C19orf47: variants seen among roughly 807,000 people sequenced by gnomAD.
The protein encoded by C19orf47 is chromosome 19 open reading frame 47.
In C19orf47, 18 loss-of-function variants were observed where a neutral mutation model predicts 32.3. That is an observed-to-expected ratio of 0.56 (90% CI 0.39 to 0.83). The LOEUF (loss-of-function observed/expected upper bound fraction) is 0.83. Ranked by LOEUF, C19orf47 falls within the 40% of genes least tolerant of loss-of-function variation. C19orf47 has a pLI of 0.00. For missense variants in C19orf47, 484 were observed against 531.6 expected, an observed-to-expected ratio of 0.91 and a Z score of 0.88; for synonymous variants, 202 against 211.1, an observed-to-expected ratio of 0.96 and a Z score of 0.37.
At chr19:40,308,906 C>A in the C19orf47 span, among the ~76,000 whole-genome samples, 1 of 151,998 alleles carries the variant, frequency 6.6e-6, no homozygotes, top group East Asian at 2.0e-4. Flanking sequence ...CCTGTCTCTA[C>A]AAAAAATTAA....
chr19:40,293,624 C>T, the C19orf47 span, among the ~76,000 whole-genome samples: 1 of 151,686 alleles, frequency 6.6e-6, no homozygotes, highest in Non-Finnish European at 1.5e-5. Flanking sequence ...TGCCACCACA[C>T]CAGGCTAATT....
At chr19:40,305,666 G>C in the C19orf47 span, among the ~76,000 whole-genome samples, 1 of 152,042 alleles carries the variant, frequency 6.6e-6, no homozygotes, top group Non-Finnish European at 1.5e-5. Flanking sequence ...AAGTCACCAG[G>C]GTGTCTCGGA....
chr19:40,344,492 G>A (rs10424645), intron 1 of C19orf47, among the ~76,000 whole-genome samples: 148,425 of 151,932 alleles, frequency 0.98, 72,524 homozygotes, highest in East Asian at 1. Flanking sequence ...AAATAATAAT[G>A]AAATAAAATA....
chr19:40,299,233 C>CT, the C19orf47 span, among the ~76,000 whole-genome samples: 1 of 151,872 alleles, frequency 6.6e-6, no homozygotes, highest in African/African-American at 2.4e-5. Context: ...TATTTGCCTT[C>CT]AAAGCCTTTT....
the C19orf47 span, among the ~76,000 whole-genome samples, chr19:40,302,340 C>G: frequency 6.6e-6 from 1 of 152,166 alleles, no homozygotes; most frequent in African/African-American, 2.4e-5. Context: ...TCACGGCTCA[C>G]TGCAGCCTCC....
chr19:40,346,368 G>C (rs891362495), intron 1 of C19orf47, among the ~76,000 whole-genome samples: 9 of 137,928 alleles, frequency 6.5e-5, no homozygotes, highest in Non-Finnish European at 1.2e-4. Context: ...GCTTAAGCCC[G>C]GGAGGCAGAG....
At chr19:40,341,653 G>T in intron 2 of C19orf47, 186 bp downstream of exon 2, 2 of 774,506 alleles carry the variant, frequency 2.6e-6, no homozygotes, top group Non-Finnish European at 2.0e-6. Flanking sequence ...AGTCAGGAGA[G>T]AGATCCAGTG....
intron 4 of C19orf47, 49 bp from the exon 5 acceptor site, chr19:40,333,978 C>A: frequency 7.0e-7 from 1 of 1,433,276 alleles, no homozygotes; most frequent in South Asian, 1.3e-5. Flanking sequence ...AATCATGCAT[C>A]AACCTAGAGA....
chr19:40,344,061 G>A (rs2145620955), intron 1 of C19orf47, among the ~76,000 whole-genome samples: 1 of 151,928 alleles, frequency 6.6e-6, no homozygotes, highest in Non-Finnish European at 1.5e-5. Context: ...TTCCCAAAGT[G>A]CTGGGATTAC....
At chr19:40,330,288 G>A (rs886657890) in intron 5 of C19orf47, among the ~76,000 whole-genome samples, 3 of 151,200 alleles carry the variant, frequency 2.0e-5, no homozygotes, top group African/African-American at 7.3e-5. Flanking sequence ...GAGTGCAGTG[G>A]CGCGATCTTG....
chr19:40,309,508 G>T, the C19orf47 span, among the ~76,000 whole-genome samples: 6 of 151,690 alleles, frequency 4.0e-5, no homozygotes, highest in Non-Finnish European at 8.8e-5. Flanking sequence ...CTTTTATTTT[G>T]GTTAAACCTT....
the C19orf47 span, among the ~76,000 whole-genome samples, chr19:40,307,079 G>A: frequency 3.5e-5 from 5 of 142,676 alleles, no homozygotes; most frequent in Admixed American, 2.2e-4. Context: ...GTGAGCCACC[G>A]CGCCCGGCCC....
chr19:40,346,719 G>T (rs1211686996), intron 1 of C19orf47, among the ~76,000 whole-genome samples: 1 of 151,554 alleles, frequency 6.6e-6, no homozygotes, highest in Admixed American at 6.6e-5. Flanking sequence ...GTAGAGACGG[G>T]GTTTCACCGT....
chr19:40,344,090 T>C (rs1035781891), intron 1 of C19orf47, among the ~76,000 whole-genome samples: 3 of 151,678 alleles, frequency 2.0e-5, no homozygotes, highest in Non-Finnish European at 2.9e-5. Flanking sequence ...GGCCTTCTGC[T>C]CAATCTCTTA....
At chr19:40,338,613 G>C (rs529966368) in intron 2 of C19orf47, among the ~76,000 whole-genome samples, 10 of 152,080 alleles carry the variant, frequency 6.6e-5, no homozygotes, top group Non-Finnish European at 1.2e-4. Flanking sequence ...TCAAACTCCT[G>C]ACCGTGTGAT....
At chr19:40,330,444 G>T (rs2077927398) in intron 5 of C19orf47, among the ~76,000 whole-genome samples, 1 of 151,318 alleles carries the variant, frequency 6.6e-6, no homozygotes, top group Admixed American at 6.6e-5. Flanking sequence ...TGTTAGCCAG[G>T]ATGGTCTCGA....
chr19:40,307,955 G>A, the C19orf47 span, among the ~76,000 whole-genome samples: 9 of 149,758 alleles, frequency 6.0e-5, no homozygotes, highest in Non-Finnish European at 1.0e-4. Flanking sequence ...CCGCCACCAC[G>A]CCCGGCTAAT....
At chr19:40,323,914 G>A (rs553954360) in intron 8 of C19orf47, 92 bp downstream of exon 8, 13 of 1,498,930 alleles carry the variant, frequency 8.7e-6, no homozygotes, top group Admixed American at 3.3e-5. Context: ...GCCCTGGGCC[G>A]AGTGAGGTTG....
intron 1 of C19orf47, among the ~76,000 whole-genome samples, chr19:40,345,136 TCCC>T (rs1465743169): frequency 6.6e-6 from 1 of 152,102 alleles, no homozygotes; most frequent in Non-Finnish European, 1.5e-5. Context: ...ACTGGTATTC[TCCC>T]CCAAGTGCTA....
Sources: gnomAD v4.1 joint callset for allele counts (sites outside exome capture counted in the v4.1 genomes callset) on GRCh38, gnomAD v4.1.1 for gene constraint, MANE v1.5 for transcripts, NCBI Gene and HGNC (gene_info 2026-07-23, HGNC 2026-07-21) for gene names.